Variants in SCG3 observed in about 807,000 individuals in gnomAD.
SCG3 encodes the protein secretogranin-3.
Under a neutral mutation model 56.2 loss-of-function variants are expected in SCG3, and 38 were observed. The ratio of observed to expected loss-of-function variants is 0.68; its 90% CI spans 0.52 to 0.89. SCG3 has a LOEUF of 0.89. Among genes scored for constraint, SCG3 ranks in the 40% least tolerant of loss-of-function variants. SCG3 has a pLI of 0.00. For synonymous variants in SCG3, 176 were observed against 184.2 expected (o/e 0.96, Z 0.36); for missense variants, 524 against 540.7 (o/e 0.97, Z 0.31).
chr15:51,681,960 T>C (rs1425619186), intron 1 of SCG3, 123 bp downstream of exon 1: 2 of 705,970 alleles, frequency 2.8e-6, no homozygotes. Context: ...TATCCATGAA[T>C]ACGGACAGAG....
Position 51,720,974 on chromosome 15 carries a change from C to T in SCG3, c.*1448C>T, listed in dbSNP as rs1133883. 0.4 allele frequency: 61,603 copies of T among 154,714 alleles called. 12,567 individuals carry two copies. Among genetic ancestry groups the T allele is most frequent in the Admixed American group, 0.51 (7,764 of 15,316 alleles). The allele number at this position is 154,714 out of a possible 1,614,324, so 9.6% of individuals were successfully genotyped here. On this transcript the variant is annotated 3_prime_UTR_variant, in exon 12 of 12. Transcript: ENST00000220478. ...GCAGCAACCTGTTCAGGTCGCCTGC[C>T]GCTGTGGAAGCTTTGTCCTTTTGCT...
chr15:51,685,508 G>A (rs2055223067), intron 4 of SCG3, among the ~76,000 whole-genome samples: 1 of 152,212 alleles, frequency 6.6e-6, no homozygotes, highest in South Asian at 2.1e-4. Flanking sequence ...ACCGTAGGAG[G>A]TATTAACTCC....
At chr15:51,693,487 T>C (rs1335132133) in intron 7 of SCG3, 2 of 152,218 alleles carry the variant, frequency 1.3e-5, no homozygotes, top group Non-Finnish European at 2.9e-5. Context: ...TCTTTGCTCA[T>C]ATGTGCAGTG....
chr15:51,702,746 CAGAT>C (rs1171961756), intron 10 of SCG3, among the ~76,000 whole-genome samples: 6 of 152,148 alleles, frequency 3.9e-5, no homozygotes, highest in Admixed American at 3.3e-4. Context: ...CTCTATGTCT[CAGAT>C]AGATATTATT....
chr15:51,694,769 G>T (rs904083633), intron 7 of SCG3, among the ~76,000 whole-genome samples: 1 of 152,118 alleles, frequency 6.6e-6, no homozygotes, highest in African/African-American at 2.4e-5. Context: ...GGTGGCTCAC[G>T]CCTGTAATCC....
intron 4 of SCG3, among the ~76,000 whole-genome samples, chr15:51,684,203 A>T (rs1878742164): frequency 6.6e-6 from 1 of 152,098 alleles, no homozygotes; most frequent in African/African-American, 2.4e-5. Context: ...TGTATCTCTC[A>T]ATTGTTTTTC....
chr15:51,702,023 T>C (rs992245283), intron 10 of SCG3, among the ~76,000 whole-genome samples: 1 of 152,172 alleles, frequency 6.6e-6, no homozygotes, highest in South Asian at 2.1e-4. Context: ...GCATGGCACA[T>C]GTATACATAT....
At chr15:51,711,903 G>A (rs1405002108) in intron 10 of SCG3, among the ~76,000 whole-genome samples, 1 of 152,164 alleles carries the variant, frequency 6.6e-6, no homozygotes, top group African/African-American at 2.4e-5. Flanking sequence ...TAAGGCAAGA[G>A]TGGGCTTCAA....
chr15:51,695,191 A>G (rs1255927379), intron 7 of SCG3, among the ~76,000 whole-genome samples: 2 of 152,236 alleles, frequency 1.3e-5, no homozygotes, highest in African/African-American at 2.4e-5. Context: ...CAAATGAAAT[A>G]AAGATTAAAA....
chr15:51,719,020 C>T (rs953907240), intron 11 of SCG3, among the ~76,000 whole-genome samples: 2 of 152,072 alleles, frequency 1.3e-5, no homozygotes, highest in African/African-American at 2.4e-5. Flanking sequence ...ACCTGACAGC[C>T]GTTTAAAATG....
intron 11 of SCG3, among the ~76,000 whole-genome samples, chr15:51,714,074 C>T (rs2055437893): frequency 6.6e-6 from 1 of 152,096 alleles, no homozygotes; most frequent in African/African-American, 2.4e-5. Flanking sequence ...GAGATGGAGG[C>T]AGAGCGAACA....
chr15:51,698,868 A>T (rs1334726732), intron 8 of SCG3, among the ~76,000 whole-genome samples: 5 of 152,170 alleles, frequency 3.3e-5, no homozygotes, highest in Non-Finnish European at 7.4e-5. Context: ...TCCTCCTTGA[A>T]TTATAGCCCA....
chr15:51,706,824 T>C (rs904209630), intron 10 of SCG3, among the ~76,000 whole-genome samples: 1 of 152,218 alleles, frequency 6.6e-6, no homozygotes, highest in Admixed American at 6.5e-5. Flanking sequence ...ACATTCACCT[T>C]TGAAAATAGT....
chr15:51,711,293 A>C (rs948835541), intron 10 of SCG3, among the ~76,000 whole-genome samples: 4 of 152,258 alleles, frequency 2.6e-5, no homozygotes, highest in African/African-American at 7.2e-5. Flanking sequence ...TGGAATTTTT[A>C]ATGCAGTGTC....
At chr15:51,693,271 CAG>C (rs2141564759) in intron 7 of SCG3, 1 of 152,272 alleles carries the variant, frequency 6.6e-6, no homozygotes, top group South Asian at 2.1e-4. Flanking sequence ...TTAATGGAAA[CAG>C]TGTATGAAAC....
chr15:51,688,679 G>C (rs1434391538), intron 5 of SCG3, among the ~76,000 whole-genome samples: 3 of 152,124 alleles, frequency 2.0e-5, no homozygotes, highest in Non-Finnish European at 2.9e-5. Flanking sequence ...GTAAGGAAAG[G>C]CTTCAGAGGA....
At chr15:51,692,092 G>T in intron 6 of SCG3, 67 bp from the exon 7 acceptor site, 3 of 1,440,208 alleles carry the variant, frequency 2.1e-6, no homozygotes, top group South Asian at 2.7e-5. Flanking sequence ...ACAAAGGAAG[G>T]AATCAAGCTG....
Position 51,699,422 on chromosome 15 carries a change from T to C in SCG3, c.1069+20T>C. On this transcript the variant is annotated intron_variant, in intron 9 of 11. Coordinates refer to ENST00000220478, the MANE Select transcript of SCG3 (RefSeq NM_013243.4). ...TCCCAGGTATGATTATTTAACTATTTTTTTAGCCTTTAGAATAATAACCCT... is the reference window on the plus strand; with the variant it reads ...TCCCAGGTATGATTATTTAACTATTCTTTTAGCCTTTAGAATAATAACCCT... The C allele has an allele frequency of 6.8e-7, 1 of 1,478,234 alleles. No individual in the cohort carries two copies. The highest frequency in any genetic ancestry group is 9.3e-7 in the Non-Finnish European group (1 of 1,072,842). 91.6% of individuals were successfully genotyped at this position (1,478,234 alleles called of 1,614,324 possible).
chr15:51,711,360 G>A (rs1022067115), intron 10 of SCG3, among the ~76,000 whole-genome samples: 3 of 152,184 alleles, frequency 2.0e-5, no homozygotes, highest in Non-Finnish European at 4.4e-5. Context: ...ATCATGATAC[G>A]ATATCAGAGA....
Sources: gnomAD v4.1 joint callset for allele counts (sites outside exome capture counted in the v4.1 genomes callset) on GRCh38, gnomAD v4.1.1 for gene constraint, MANE v1.5 for transcripts, NCBI Gene and HGNC (gene_info 2026-07-23, HGNC 2026-07-21) for gene names.